AOPEP: variants seen among roughly 807,000 people sequenced by gnomAD.
AOPEP encodes the protein aminopeptidase O (putative), also known as aminopeptidase O.
A neutral mutation model predicts 98.1 loss-of-function variants in AOPEP; 77 were observed. The observed-to-expected ratio is 0.78, with a 90% confidence interval of 0.65 to 0.95. The LOEUF (loss-of-function observed/expected upper bound fraction) is 0.95. Ranked by LOEUF, AOPEP falls within the 40% of genes least tolerant of loss-of-function variation. The pLI is 0.00. For synonymous variants in AOPEP, 346 were observed against 365.3 expected, an observed-to-expected ratio of 0.95 and a Z score of 0.60; for missense variants, 1,024 against 1,024.7, an observed-to-expected ratio of 1.00 and a Z score of 0.01.
chr9:94,833,174 G>A (rs941755025), intron 5 of AOPEP, among the ~76,000 whole-genome samples: 2 of 148,212 alleles, frequency 1.3e-5, no homozygotes, highest in African/African-American at 5.0e-5. Context: ...GACCTAAAGT[G>A]ATCCACCCGC....
chr9:94,838,316 C>T (rs1370550653), intron 5 of AOPEP, among the ~76,000 whole-genome samples: 1 of 152,148 alleles, frequency 6.6e-6, no homozygotes, highest in Non-Finnish European at 1.5e-5. Context: ...CCAAAAAACC[C>T]AATAATGTTT....
chr9:95,091,441 TG>T (rs1480656415), downstream of AOPEP, among the ~76,000 whole-genome samples: 3 of 152,168 alleles, frequency 2.0e-5, no homozygotes, highest in Non-Finnish European at 4.4e-5. Flanking sequence ...TTTGGTTAGT[TG>T]GTGCCCTTGG....
At chr9:94,882,357 T>C (rs1315417552) in intron 5 of AOPEP, among the ~76,000 whole-genome samples, 7 of 152,264 alleles carry the variant, frequency 4.6e-5, no homozygotes. Flanking sequence ...AGGCAATTTT[T>C]AATTTGTTTA....
intron 5 of AOPEP, among the ~76,000 whole-genome samples, chr9:94,855,988 C>T (rs533371362): frequency 2.6e-5 from 4 of 152,248 alleles, no homozygotes; most frequent in East Asian, 3.9e-4. Context: ...GGGACTTATA[C>T]GTAGGTTTCT....
intron 9 of AOPEP, among the ~76,000 whole-genome samples, chr9:94,960,183 G>A (rs1204507689): frequency 2.6e-5 from 4 of 152,178 alleles, no homozygotes; most frequent in African/African-American, 7.2e-5. Flanking sequence ...AGGCTGAGGC[G>A]GGTGGATCAT....
the AOPEP span, chr9:95,100,419 A>G: frequency 0.45 from 102,963 of 230,744 alleles, 23,509 homozygotes; most frequent in East Asian, 0.57. Context: ...CTAAAGGTTA[A>G]CTTCTAATCC....
intron 14 of AOPEP, among the ~76,000 whole-genome samples, chr9:95,073,121 A>G (rs1402174301): frequency 1.3e-5 from 2 of 151,438 alleles, no homozygotes; most frequent in Admixed American, 6.6e-5. Context: ...GGCCCTTACT[A>G]CTCCTGGGAC....
intron 9 of AOPEP, among the ~76,000 whole-genome samples, chr9:94,962,442 G>A (rs2058909039): frequency 6.6e-6 from 1 of 152,170 alleles, no homozygotes; most frequent in Non-Finnish European, 1.5e-5. Context: ...GCTGGGGGTC[G>A]GTGCAGAGGG....
intron 5 of AOPEP, among the ~76,000 whole-genome samples, chr9:94,877,072 G>T (rs1413885481): frequency 6.6e-6 from 1 of 152,192 alleles, no homozygotes; most frequent in Non-Finnish European, 1.5e-5. Context: ...CTATTTTAAG[G>T]TTGGGGGTAA....
chr9:94,892,037 G>A (rs1361162233), intron 5 of AOPEP, among the ~76,000 whole-genome samples: 3 of 152,120 alleles, frequency 2.0e-5, no homozygotes, highest in Admixed American at 2.0e-4. Context: ...AGTTTCAGAT[G>A]GGACAACCAC....
At chr9:94,778,868 A>C (rs1054731272) in intron 3 of AOPEP, among the ~76,000 whole-genome samples, 1 of 152,118 alleles carries the variant, frequency 6.6e-6, no homozygotes, top group Non-Finnish European at 1.5e-5. Flanking sequence ...TCTCTACAAA[A>C]ATACAAAAAA....
chr9:95,016,393 A>G (rs1448252745), intron 13 of AOPEP, among the ~76,000 whole-genome samples: 4 of 151,550 alleles, frequency 2.6e-5, no homozygotes, highest in Non-Finnish European at 5.9e-5. Flanking sequence ...ACAGGCACCC[A>G]CCACCACGCC....
At chr9:95,012,379 G>T (rs1388761337) in intron 13 of AOPEP, among the ~76,000 whole-genome samples, 1 of 152,212 alleles carries the variant, frequency 6.6e-6, no homozygotes, top group Non-Finnish European at 1.5e-5. Flanking sequence ...CATAAGAGAT[G>T]AAAGCCATTT....
chr9:95,136,415 T>C, the AOPEP span, among the ~76,000 whole-genome samples: 1 of 152,002 alleles, frequency 6.6e-6, no homozygotes, highest in Admixed American at 6.6e-5. Flanking sequence ...TATATGGTAG[T>C]TATGGCCTAG....
the AOPEP span, chr9:95,149,839 C>A: frequency 6.9e-7 from 1 of 1,451,014 alleles, no homozygotes; most frequent in Non-Finnish European, 9.5e-7. Flanking sequence ...TTGGACACTG[C>A]TGTCGTACAG....
intron 10 of AOPEP, among the ~76,000 whole-genome samples, chr9:94,977,802 C>T (rs1028948303): frequency 6.6e-6 from 1 of 152,166 alleles, no homozygotes; most frequent in Non-Finnish European, 1.5e-5. Flanking sequence ...CCCTGGAGGA[C>T]CTAGAGAGGT....
intron 5 of AOPEP, among the ~76,000 whole-genome samples, chr9:94,837,458 A>T (rs1388312441): frequency 6.6e-6 from 1 of 152,186 alleles, no homozygotes; most frequent in Non-Finnish European, 1.5e-5. Context: ...ACAAAAAAAG[A>T]TATTGATCTG....
the AOPEP span, chr9:95,150,159 A>G: frequency 6.4e-7 from 1 of 1,552,906 alleles, no homozygotes; most frequent in Non-Finnish European, 8.8e-7. Flanking sequence ...AAAAACCTTC[A>G]TGCTAAAAAG....
chr9:94,830,466 T>C (rs567368132), intron 5 of AOPEP, among the ~76,000 whole-genome samples: 2 of 152,390 alleles, frequency 1.3e-5, no homozygotes, highest in East Asian at 1.9e-4. Context: ...GTTGATTTCA[T>C]GTCTTTGCTA....
Sources: gnomAD v4.1 joint callset for allele counts (sites outside exome capture counted in the v4.1 genomes callset) on GRCh38, gnomAD v4.1.1 for gene constraint, MANE v1.5 for transcripts, NCBI Gene and HGNC (gene_info 2026-07-23, HGNC 2026-07-21) for gene names.